Variants in PPFIBP2 observed in about 807,000 individuals in gnomAD.
PPFIBP2 encodes PPFIB scaffold protein 2, also known as liprin-beta-2.
PPFIBP2 carries 118 observed loss-of-function variants against 118.3 expected under a neutral mutation model. That is an observed-to-expected ratio of 1.00 (90% CI 0.86 to 1.16). The LOEUF (loss-of-function observed/expected upper bound fraction) is 1.16. Among genes scored for constraint, PPFIBP2 ranks in the 50% most tolerant of loss-of-function variants. PPFIBP2 has a pLI of 0.00. For missense variants in PPFIBP2, 1,195 were observed against 1,073.1 expected (o/e 1.11, Z -1.59); for synonymous variants, 414 against 397.4 (o/e 1.04, Z -0.50).
At chr11:7,566,099 G>T (rs1372738815) in intron 3 of PPFIBP2, among the ~76,000 whole-genome samples, 1 of 151,752 alleles carries the variant, frequency 6.6e-6, no homozygotes, top group East Asian at 1.9e-4. Context: ...CTAATCCCTG[G>T]CTGGTGTCTC....
intron 17 of PPFIBP2, among the ~76,000 whole-genome samples, chr11:7,647,180 A>G (rs779542465): frequency 3.9e-4 from 59 of 152,180 alleles, no homozygotes; most frequent in Non-Finnish European, 6.9e-4. Context: ...ATATGTTTTA[A>G]TCTAATATGT....
chr11:7,665,251 A>G, the PPFIBP2 span: 32 of 818,018 alleles, frequency 3.9e-5, no homozygotes, highest in South Asian at 5.9e-4. Flanking sequence ...GAGGAGAACC[A>G]GTGTGTGCGC....
At chr11:7,556,016 TTTG>T (rs1461186813) in intron 2 of PPFIBP2, among the ~76,000 whole-genome samples, 5 of 152,238 alleles carry the variant, frequency 3.3e-5, no homozygotes, top group African/African-American at 7.2e-5. Flanking sequence ...GGCTTTCCAT[TTTG>T]TTATCATCAA....
At chr11:7,665,362 C>T in the PPFIBP2 span, 2 of 1,453,434 alleles carry the variant, frequency 1.4e-6, no homozygotes, top group Non-Finnish European at 1.8e-6. Flanking sequence ...AATTGCTGAG[C>T]ACGTGGAGGT....
At chr11:7,661,780 C>CT (rs1422508769), downstream of PPFIBP2, among the ~76,000 whole-genome samples, 1 of 79,776 alleles carries the variant, frequency 1.3e-5, no homozygotes, top group African/African-American at 4.2e-5. Flanking sequence ...GCGTGGGAGT[C>CT]TAAGTCTCTT....
intron 5 of PPFIBP2, among the ~76,000 whole-genome samples, chr11:7,602,087 C>CA (rs201003988): frequency 0.12 from 6,652 of 55,914 alleles, 245 homozygotes; most frequent in Non-Finnish European, 0.13. Flanking sequence ...GAATGAAACT[C>CA]AAAAAAAAAA....
chr11:7,522,269 C>T (rs1849825244), intron 1 of PPFIBP2, among the ~76,000 whole-genome samples: 1 of 152,014 alleles, frequency 6.6e-6, no homozygotes, highest in Non-Finnish European at 1.5e-5. Context: ...AAGAGAAAAG[C>T]GTCAAACTGG....
chr11:7,598,245 A>T, intron 5 of PPFIBP2: 1 of 305,150 alleles, frequency 3.3e-6, no homozygotes, highest in Non-Finnish European at 6.4e-6. Flanking sequence ...TAATCACAAG[A>T]GATATGCAAT....
chr11:7,652,186 C>G (rs4758010), intron 23 of PPFIBP2, among the ~76,000 whole-genome samples: 1 of 152,136 alleles, frequency 6.6e-6, no homozygotes, highest in African/African-American at 2.4e-5. Context: ...TTCGGTCAGG[C>G]CTGCCTGCGT....
At chr11:7,607,199 C>G (rs1162808346) in intron 5 of PPFIBP2, among the ~76,000 whole-genome samples, 1 of 146,242 alleles carries the variant, frequency 6.8e-6, no homozygotes, top group Admixed American at 6.9e-5. Flanking sequence ...CGTGAGCCAC[C>G]GCGCCCGGCC....
chr11:7,649,976 T>TAGAAG (rs1027077457), intron 21 of PPFIBP2, among the ~76,000 whole-genome samples: 3 of 151,874 alleles, frequency 2.0e-5, no homozygotes, highest in Admixed American at 6.6e-5. Flanking sequence ...GGTGTCACAG[T>TAGAAG]AGAAGAGAAG....
chr11:7,556,311 C>T (rs903259391), intron 2 of PPFIBP2, among the ~76,000 whole-genome samples: 5 of 152,104 alleles, frequency 3.3e-5, no homozygotes, highest in Non-Finnish European at 5.9e-5. Context: ...AAAAATTAGC[C>T]GGGTGTGGTG....
intron 1 of PPFIBP2, among the ~76,000 whole-genome samples, chr11:7,535,693 T>A (rs1175866079): frequency 6.6e-6 from 1 of 152,186 alleles, no homozygotes; most frequent in African/African-American, 2.4e-5. Context: ...CGGCTCCAAT[T>A]TGGATGCCAG....
At chr11:7,665,958 C>CAT in the PPFIBP2 span, 1 of 1,522,602 alleles carries the variant, frequency 6.6e-7, no homozygotes, top group Non-Finnish European at 8.8e-7. Context: ...CAAGCAGGTA[C>CAT]AGCCGGGAGC....
intron 1 of PPFIBP2, among the ~76,000 whole-genome samples, chr11:7,518,857 A>G (rs533549268): frequency 2.0e-5 from 3 of 152,328 alleles, no homozygotes; most frequent in African/African-American, 7.2e-5. Context: ...TGAGCCAAAG[A>G]TGGCGCTCGA....
intron 2 of PPFIBP2, among the ~76,000 whole-genome samples, chr11:7,564,946 A>G (rs1364607590): frequency 1.3e-5 from 2 of 152,232 alleles, no homozygotes; most frequent in Non-Finnish European, 2.9e-5. Context: ...TCCCTTTATC[A>G]GAGGAGTGGA....
chr11:7,626,643 T>C (rs535599370), intron 8 of PPFIBP2, among the ~76,000 whole-genome samples: 2 of 152,224 alleles, frequency 1.3e-5, no homozygotes, highest in Non-Finnish European at 2.9e-5. Context: ...GGAGTTCAAG[T>C]CTTGCTGATC....
At chr11:7,588,377 C>T (rs1018009094) in intron 3 of PPFIBP2, among the ~76,000 whole-genome samples, 1 of 152,214 alleles carries the variant, frequency 6.6e-6, no homozygotes, top group Non-Finnish European at 1.5e-5. Context: ...CTATCATGAT[C>T]AACTCCAGGA....
At position 7,565,849 on chromosome 11, in the gene PPFIBP2, G is replaced by A. The variant is rs1854909851; in HGVS notation, c.279+82G>A. 23 of 1,453,382 alleles carry A rather than the reference G, an allele frequency of 1.6e-5. No individual in the cohort carries two copies. In the South Asian group the frequency reaches 2.6e-4, roughly 17 times the overall value. 90.0% of individuals were successfully genotyped at this position (1,453,382 alleles called of 1,614,324 possible). ...TGGAGTGCCACTGCTGACTGGGGCT[G>A]TTGAGTCATCTGTATACCTTCCAGC... On this transcript the variant is annotated intron_variant, in intron 3 of 23. Coordinates refer to ENST00000299492, the MANE Select transcript of PPFIBP2 (RefSeq NM_003621.5).
Sources: allele counts gnomAD v4.1 joint callset (sites outside exome capture counted in the v4.1 genomes callset), GRCh38; gene constraint gnomAD v4.1.1; transcripts MANE v1.5; gene names NCBI Gene and HGNC (gene_info 2026-07-23, HGNC 2026-07-21).